PRUNE2: variants seen among roughly 807,000 people sequenced by gnomAD.
PRUNE2 encodes the protein protein prune homolog 2.
A neutral mutation model predicts 252.0 loss-of-function variants in PRUNE2; 164 were observed. The ratio of observed to expected loss-of-function variants is 0.65; its 90% confidence interval spans 0.57 to 0.74. The LOEUF (loss-of-function observed/expected upper bound fraction) is 0.74, where lower values mean the gene tolerates loss of function less well. Ranked by LOEUF, PRUNE2 falls within the 30% of genes least tolerant of loss-of-function variation. PRUNE2 has a pLI of 0.00. For synonymous variants in PRUNE2, 1,292 were observed against 1,350.2 expected (o/e 0.96, Z 0.94); for missense variants, 3,495 against 3,711.0 (o/e 0.94, Z 1.51).
chr9:76,819,305 T>C (rs1353097288), intron 6 of PRUNE2: 2 of 152,090 alleles, frequency 1.3e-5, no homozygotes, highest in Non-Finnish European at 2.9e-5. Flanking sequence ...TAATCTATTA[T>C]GTATCCTTAT....
At chr9:76,751,163 C>A (rs2050576259) in intron 6 of PRUNE2, among the ~76,000 whole-genome samples, 1 of 152,156 alleles carries the variant, frequency 6.6e-6, no homozygotes, top group Non-Finnish European at 1.5e-5. Context: ...ATGCACTCTG[C>A]TAAGCAGTCT....
At chr9:76,794,632 A>AG (rs1267778717) in intron 6 of PRUNE2, among the ~76,000 whole-genome samples, 1,617 of 122,624 alleles carry the variant, frequency 0.013, 52 homozygotes, top group African/African-American at 0.063. Flanking sequence ...AAAAAAAAAG[A>AG]AAAGAAAAGA....
chr9:76,728,221 CTT>C (rs2048287749), intron 6 of PRUNE2, among the ~76,000 whole-genome samples: 1 of 152,112 alleles, frequency 6.6e-6, no homozygotes, highest in Non-Finnish European at 1.5e-5. Flanking sequence ...TGCCCAATAA[CTT>C]AGGCTATGTG....
chr9:76,725,312 C>T (rs1023657605), intron 6 of PRUNE2, among the ~76,000 whole-genome samples: 9 of 152,158 alleles, frequency 5.9e-5, no homozygotes, highest in African/African-American at 1.9e-4. Flanking sequence ...CTCTTTTGTT[C>T]CTCACGCTCC....
intron 2 of PRUNE2, among the ~76,000 whole-genome samples, chr9:76,853,321 T>C (rs147506118): frequency 6.6e-6 from 1 of 152,174 alleles, no homozygotes; most frequent in African/African-American, 2.4e-5. Flanking sequence ...CCAAACAAAA[T>C]TGCAACAAAA....
intron 3 of PRUNE2, among the ~76,000 whole-genome samples, chr9:76,849,092 G>A (rs1401244946): frequency 1.3e-5 from 2 of 151,956 alleles, no homozygotes; most frequent in African/African-American, 2.4e-5. Flanking sequence ...TGTATTTTTT[G>A]TGGAGACAGG....
In PRUNE2 at chr9:76,846,664, A is replaced by G. The variant is rs753699837; in HGVS notation, c.359T>C (p.Leu120Ser). The change falls in exon 4 of 19, where the codon TTA becomes TCA. Residue 120 changes from leucine (L) to serine (S), a missense_variant. By Grantham distance (145) the Leu-to-Ser change is moderately radical. Coordinates refer to ENST00000376718, the MANE Select transcript of PRUNE2 (RefSeq NM_015225.3). ...AATGACTTTGACAACTGCTGATTCT[A>G]AAGTTTTGTCTTCACTGTAAAGCAA... ...SSVLASEDKT[L>S]ESAVVKVINP... 2 of 1,613,884 alleles carry G rather than the reference A, an allele frequency of 1.2e-6. No individual in the cohort carries two copies. Among genetic ancestry groups the G allele is most frequent in the South Asian group, 1.1e-5 (1 of 91,066 alleles).
intron 9 of PRUNE2, among the ~76,000 whole-genome samples, chr9:76,683,968 T>TAC (rs921539824): frequency 2.6e-5 from 4 of 151,348 alleles, no homozygotes; most frequent in Non-Finnish European, 4.4e-5. Flanking sequence ...TACACATATA[T>TAC]ACACACACAC....
intron 10 of PRUNE2, 120 bp downstream of exon 10, chr9:76,655,303 C>T: frequency 1.0e-5 from 8 of 787,482 alleles, no homozygotes; most frequent in Admixed American, 4.6e-5. Context: ...TTTCTTTTTT[C>T]CTCTCACTGT....
intron 2 of PRUNE2, among the ~76,000 whole-genome samples, chr9:76,851,916 A>C (rs1325609734): frequency 2.0e-5 from 3 of 152,202 alleles, no homozygotes; most frequent in Non-Finnish European, 4.4e-5. Flanking sequence ...TACAGCAATA[A>C]TCCTAACTAT....
chr9:76,850,686 T>A (rs765735367), intron 2 of PRUNE2, 21 bp from the exon 3 acceptor site: 2 of 1,543,020 alleles, frequency 1.3e-6, no homozygotes, highest in South Asian at 1.1e-5. Flanking sequence ...AAAAGTTGAC[T>A]GAATTACTGA....
Position 76,613,876 on chromosome 9 carries a change from A to T in PRUNE2, c.*694T>A, listed in dbSNP as rs1057164549. The T allele has an allele frequency of 7.9e-5, 12 of 152,126 alleles. No homozygotes were observed. Among genetic ancestry groups the T allele is most frequent in the African/African-American group, 2.9e-4 (12 of 41,386 alleles). The allele number at this position is 152,126 out of a possible 1,614,324, so 9.4% of individuals were successfully genotyped here. Reference sequence around the variant, plus strand: ...ACCAAACATGCAACACGGATTCTTAAATTTCACAATGTGGTGGTCACCAAC... The same window carrying T: ...ACCAAACATGCAACACGGATTCTTATATTTCACAATGTGGTGGTCACCAAC... On this transcript the variant is annotated 3_prime_UTR_variant, in exon 19 of 19. Transcript: ENST00000376718.
intron 14 of PRUNE2, among the ~76,000 whole-genome samples, chr9:76,636,828 C>T (rs775711500): frequency 2.3e-4 from 35 of 151,908 alleles, no homozygotes; most frequent in South Asian, 8.3e-4. Flanking sequence ...TGGTGGTGCC[C>T]GCCTGTAAGT....
chr9:76,647,790 T>TGTTTCTACTAAAATACAAAAC (rs1444321074), intron 11 of PRUNE2, among the ~76,000 whole-genome samples: 4 of 152,090 alleles, frequency 2.6e-5, no homozygotes, highest in Non-Finnish European at 4.4e-5. Context: ...GGTGAAACCC[T>TGTTTCTACTAAAATACAAAAC]GTTTCTACTA....
Position 76,633,547 on chromosome 9 carries a change from A to C in PRUNE2, c.9050+2924T>G, listed in dbSNP as rs915531829. 1.4e-3 allele frequency among the ~76,000 whole-genome samples: 124 copies of C among 88,262 alleles called. 1 individual carries two copies. The highest frequency in any genetic ancestry group is 1.8e-3 in the Non-Finnish European group (72 of 41,026). 57.9% of individuals were successfully genotyped at this position (88,262 alleles called of 152,430 possible). A position where few individuals can be genotyped will look rare whatever the true frequency, so the allele number is the denominator to read the frequency against. The stretch of plus-strand genomic sequence containing the variant: ...CAGTGAGCCGAGATCGCACCACAGC[A>C]CTCCAGCCTGGGGCAACAGAGTGAG... On this transcript the variant is annotated intron_variant, in intron 15 of 18. Transcript: ENST00000376718.
chr9:76,815,846 T>G (rs2057656516), intron 6 of PRUNE2, among the ~76,000 whole-genome samples: 1 of 152,106 alleles, frequency 6.6e-6, no homozygotes, highest in South Asian at 2.1e-4. Context: ...TGTCTCCAAC[T>G]TGAGTTTAGC....
chr9:76,900,537 G>T (rs1239824071), intron 1 of PRUNE2, among the ~76,000 whole-genome samples: 1 of 152,164 alleles, frequency 6.6e-6, no homozygotes, highest in African/African-American at 2.4e-5. Flanking sequence ...GACTGTGCAG[G>T]TTGTGTACTA....
chr9:76,883,040 G>A (rs1414786101), intron 1 of PRUNE2, among the ~76,000 whole-genome samples: 1 of 152,052 alleles, frequency 6.6e-6, no homozygotes, highest in African/African-American at 2.4e-5. Flanking sequence ...TCAACTAGGT[G>A]GTTGCCTTTC....
intron 9 of PRUNE2, among the ~76,000 whole-genome samples, chr9:76,694,854 A>C (rs1419317502): frequency 3.9e-5 from 6 of 152,178 alleles, no homozygotes; most frequent in Non-Finnish European, 8.8e-5. Flanking sequence ...CAAATTCTCC[A>C]GTGGAGTTTT....
Sources: allele counts gnomAD v4.1 joint callset (sites outside exome capture counted in the v4.1 genomes callset), GRCh38; gene constraint gnomAD v4.1.1; transcripts MANE v1.5; gene names NCBI Gene and HGNC (gene_info 2026-07-23, HGNC 2026-07-21).